Variants in BBS9 observed in about 807,000 individuals in gnomAD.
BBS9 encodes protein PTHB1.
In BBS9, 89 loss-of-function variants were observed where a neutral mutation model predicts 117.7. The observed-to-expected ratio is 0.76, with a 90% CI of 0.64 to 0.90. BBS9 has a LOEUF of 0.90. Among genes scored for constraint, BBS9 ranks in the 40% least tolerant of loss-of-function variants. BBS9 has a pLI of 0.00. For synonymous variants in BBS9, 379 were observed against 370.9 expected, an observed-to-expected ratio of 1.02 and a Z score of -0.25; for missense variants, 982 against 1,042.2, an observed-to-expected ratio of 0.94 and a Z score of 0.80.
intron 9 of BBS9, 117 bp from the exon 10 acceptor site, chr7:33,336,320 AATAG>A: frequency 2.8e-6 from 2 of 710,188 alleles, no homozygotes; most frequent in Non-Finnish European, 4.8e-6. Flanking sequence ...AAACTTTAGA[AATAG>A]ATATATAGTT....
intron 21 of BBS9, among the ~76,000 whole-genome samples, chr7:33,589,562 C>T (rs1861517077): frequency 6.6e-6 from 1 of 151,958 alleles, no homozygotes; most frequent in African/African-American, 2.4e-5. Flanking sequence ...ATAGAATTTC[C>T]TAACAAAATG....
At chr7:33,277,023 C>A in intron 9 of BBS9, 1 of 242,116 alleles carries the variant, frequency 4.1e-6, no homozygotes, top group Non-Finnish European at 9.1e-6. Flanking sequence ...TGTCCAACTG[C>A]AGCCCACCTG....
intron 1 of BBS9, among the ~76,000 whole-genome samples, chr7:33,135,752 C>G (rs1464997739): frequency 6.6e-6 from 1 of 152,140 alleles, no homozygotes; most frequent in Non-Finnish European, 1.5e-5. Flanking sequence ...TGCATTGAAT[C>G]TGTAGATTGA....
intron 21 of BBS9, among the ~76,000 whole-genome samples, chr7:33,549,300 G>C (rs1010198759): frequency 1.5e-4 from 19 of 128,586 alleles, no homozygotes; most frequent in Non-Finnish European, 2.6e-4. Flanking sequence ...AGACTTAAAC[G>C]TTAGACCTAA....
At chr7:33,449,881 C>T (rs1434350204) in intron 19 of BBS9, among the ~76,000 whole-genome samples, 3 of 152,142 alleles carry the variant, frequency 2.0e-5, no homozygotes, top group Non-Finnish European at 4.4e-5. Context: ...AAAAGACACA[C>T]ACGACATAAA....
At chr7:33,518,245 C>CT (rs747829401) in intron 20 of BBS9, among the ~76,000 whole-genome samples, 2,468 of 93,934 alleles carry the variant, frequency 0.026, 71 homozygotes, top group African/African-American at 0.037. Flanking sequence ...TGTATATATT[C>CT]TTTTTTTTTT....
At chr7:33,621,618 G>A (rs375945577) in intron 21 of BBS9, among the ~76,000 whole-genome samples, 13 of 152,252 alleles carry the variant, frequency 8.5e-5, no homozygotes, top group African/African-American at 2.6e-4. Context: ...AAAGAAAGCA[G>A]TATGGAGATT....
chr7:33,143,457 A>G (rs141540195), intron 1 of BBS9, among the ~76,000 whole-genome samples: 36 of 151,772 alleles, frequency 2.4e-4, no homozygotes, highest in Non-Finnish European at 4.9e-4. Context: ...TTGATAATGG[A>G]TGTGAGGTGA....
At chr7:33,368,965 T>G (rs961756158) in intron 17 of BBS9, among the ~76,000 whole-genome samples, 18 of 152,172 alleles carry the variant, frequency 1.2e-4, no homozygotes, top group African/African-American at 4.3e-4. Flanking sequence ...TTCTTTATTT[T>G]CATGATTTTT....
At chr7:33,326,478 A>G (rs1187292605) in intron 9 of BBS9, among the ~76,000 whole-genome samples, 1 of 151,936 alleles carries the variant, frequency 6.6e-6, no homozygotes, top group Non-Finnish European at 1.5e-5. Flanking sequence ...GCTCTACTCC[A>G]CTGCAGCCCA....
In BBS9 at chr7:33,401,680, A is replaced by G. The variant is rs138743231; in HGVS notation, c.2115+13536A>G. Among the ~76,000 whole-genome samples, 1,288 of 152,350 alleles carry G rather than the reference A, an allele frequency of 8.5e-3. 22 individuals carry two copies. Among genetic ancestry groups the G allele is most frequent in the South Asian group, 0.045 (219 of 4,830 alleles). ...TAGAAGGAATATCTGGGTTAAGACAAGAGATCCTGGAGACCAAGGTTCCCT... is the reference window on the plus strand; with the variant it reads ...TAGAAGGAATATCTGGGTTAAGACAGGAGATCCTGGAGACCAAGGTTCCCT... On this transcript the variant is annotated intron_variant, in intron 19 of 22. Coordinates refer to ENST00000242067, the MANE Select transcript of BBS9 (RefSeq NM_198428.3).
chr7:33,149,305 G>A (rs1792932428), intron 2 of BBS9, among the ~76,000 whole-genome samples: 1 of 152,210 alleles, frequency 6.6e-6, no homozygotes, highest in South Asian at 2.1e-4. Flanking sequence ...GTATACCGAT[G>A]TAGAGAAATT....
chr7:33,241,454 TG>T (rs1203379510), intron 5 of BBS9, among the ~76,000 whole-genome samples: 1 of 152,202 alleles, frequency 6.6e-6, no homozygotes, highest in Non-Finnish European at 1.5e-5. Context: ...GGATTAGCAT[TG>T]GTGACTTTCA....
intron 5 of BBS9, among the ~76,000 whole-genome samples, chr7:33,226,091 G>T (rs943734580): frequency 6.6e-6 from 1 of 152,038 alleles, no homozygotes; most frequent in African/African-American, 2.4e-5. Context: ...CATTCTTAAG[G>T]GAAAAAAGAT....
At chr7:33,552,197 A>T (rs992476117) in intron 21 of BBS9, among the ~76,000 whole-genome samples, 1 of 152,196 alleles carries the variant, frequency 6.6e-6, no homozygotes, top group Non-Finnish European at 1.5e-5. Context: ...CTGTCTGTTG[A>T]CATCAGCTTA....
chr7:33,410,012 C>T (rs966971105), intron 19 of BBS9, among the ~76,000 whole-genome samples: 3 of 152,094 alleles, frequency 2.0e-5, no homozygotes, highest in African/African-American at 4.8e-5. Flanking sequence ...GATTAAACCT[C>T]TGTTGTGAAA....
intron 17 of BBS9, among the ~76,000 whole-genome samples, chr7:33,382,432 C>A (rs1265898138): frequency 1.3e-5 from 2 of 148,224 alleles, no homozygotes; most frequent in East Asian, 3.9e-4. Flanking sequence ...TGCACTCCAG[C>A]CTGGGTGACA....
chr7:33,336,755 T>C (rs1265151244), intron 10 of BBS9, 133 bp downstream of exon 10: 7 of 679,098 alleles, frequency 1.0e-5, no homozygotes, highest in Non-Finnish European at 1.7e-5. Flanking sequence ...GTAAAAACAG[T>C]ATTGCTCTTT....
chr7:33,591,019 A>C lies in BBS9; in HGVS notation c.2522-13846A>C, dbSNP rs569879506. On this transcript the variant is annotated intron_variant, in intron 21 of 22. Coordinates refer to ENST00000242067, the MANE Select transcript of BBS9 (RefSeq NM_198428.3). ...AGGAATTTGCTTGAGTGAATGGGTT[A>C]TGTTTTTGGAGAAACAGGATAGAAT... Among the ~76,000 whole-genome samples the C allele has an allele frequency of 9.2e-5, 14 of 152,100 alleles. No homozygotes were observed. In the South Asian group the frequency reaches 2.7e-3, roughly 29 times the overall value.
Sources: allele counts gnomAD v4.1 joint callset (sites outside exome capture counted in the v4.1 genomes callset), GRCh38; gene constraint gnomAD v4.1.1; transcripts MANE v1.5; gene names NCBI Gene and HGNC (gene_info 2026-07-23, HGNC 2026-07-21).